PCDHGA2: variants seen among roughly 807,000 people sequenced by gnomAD.
PCDHGA2 encodes the protein protocadherin gamma subfamily A, 2.
A neutral mutation model predicts 59.2 loss-of-function variants in PCDHGA2; 40 were observed. The ratio of observed to expected loss-of-function variants is 0.68; its 90% CI spans 0.52 to 0.88. The LOEUF is 0.88. Among genes scored for constraint, PCDHGA2 ranks in the 40% least tolerant of loss-of-function variants. The probability of loss-of-function intolerance (pLI) is 0.00; values close to 1 mark genes in which losing one functional copy is unlikely to be tolerated. For missense variants in PCDHGA2, 1,226 were observed against 1,204.0 expected, an observed-to-expected ratio of 1.02 and a Z score of -0.27; for synonymous variants, 560 against 526.0, an observed-to-expected ratio of 1.06 and a Z score of -0.89.
chr5:141,464,184 G>T (rs1348739162), intron 1 of PCDHGA2, among the ~76,000 whole-genome samples: 1 of 150,316 alleles, frequency 6.7e-6, no homozygotes, highest in Non-Finnish European at 1.5e-5. Flanking sequence ...AGAATTGCTT[G>T]ATTTCAGGAG....
rs138881803 is a variant in PCDHGA2 at position 141,361,343 on chromosome 5, A to G, written c.2424+19948A>G. On this transcript the variant is annotated intron_variant, in intron 1 of 3. Transcript: ENST00000394576. ...AAATCTTCCTCAAAGAACTATTACA[A>G]ACTAGTGACAGACGGCGCTCTGGAC... is the stretch of plus-strand genomic sequence containing the variant. 47 of 1,613,938 alleles carry G rather than the reference A, an allele frequency of 2.9e-5. No homozygotes were observed. In the African/African-American group the frequency reaches 6.0e-4, roughly 21 times the overall value.
intron 1 of PCDHGA2, chr5:141,417,639 C>G: frequency 1.3e-6 from 1 of 745,670 alleles, no homozygotes; most frequent in Non-Finnish European, 2.1e-6. Flanking sequence ...CGCCGGGGAT[C>G]CCTCAGCCTC....
chr5:141,350,958 A>C (rs777439869), intron 1 of PCDHGA2: 1 of 1,614,096 alleles, frequency 6.2e-7, no homozygotes, highest in Non-Finnish European at 8.5e-7. Context: ...ACGGATGCCA[A>C]TGATAATGCT....
intron 1 of PCDHGA2, chr5:141,379,054 G>A (rs969073480): frequency 6.6e-5 from 10 of 152,204 alleles, no homozygotes; most frequent in Admixed American, 5.2e-4. Context: ...TTATAGAATG[G>A]ATTGGCCACT....
chr5:141,351,140 A>G (rs1758654842), intron 1 of PCDHGA2: 1 of 1,613,922 alleles, frequency 6.2e-7, no homozygotes, highest in Non-Finnish European at 8.5e-7. Flanking sequence ...CAATCCAAAT[A>G]CTGGCGACAT....
At chr5:141,509,117 G>A (rs1271574654) in intron 3 of PCDHGA2, among the ~76,000 whole-genome samples, 1 of 152,150 alleles carries the variant, frequency 6.6e-6, no homozygotes, top group Admixed American at 6.5e-5. Flanking sequence ...GCGCTGGTGC[G>A]TGAAGAGAAA....
At chr5:141,461,830 CTT>C (rs1030113508) in intron 1 of PCDHGA2, among the ~76,000 whole-genome samples, 1 of 145,180 alleles carries the variant, frequency 6.9e-6, no homozygotes, top group Non-Finnish European at 1.5e-5. Context: ...ATTTTTTTTT[CTT>C]TTTTTTTTGA....
chr5:141,350,542 A>G (rs780885153), intron 1 of PCDHGA2: 1 of 1,614,032 alleles, frequency 6.2e-7, no homozygotes, highest in Non-Finnish European at 8.5e-7. Context: ...AGATTTGCGG[A>G]AGGAAACTTG....
rs779981011 is a variant in PCDHGA2 at position 141,395,287 on chromosome 5, G to T, written c.2424+53892G>T. 11 of 1,533,118 alleles carry T rather than the reference G, an allele frequency of 7.2e-6. No homozygotes were observed. The South Asian group carries it at 1.3e-4, about 18-fold the overall frequency. 95.0% of individuals were successfully genotyped at this position (1,533,118 alleles called of 1,614,324 possible). A position where few individuals can be genotyped will look rare whatever the true frequency, so the allele number is the denominator to read the frequency against. On this transcript the variant is annotated intron_variant, in intron 1 of 3. Transcript: ENST00000394576. ...TTAATTTCCAGATGAATTTTATTTG[G>T]CATAAATTATGTTTTGAAAAACATT...
chr5:141,346,143 TTCCTGGCCTTCGTCA>T (rs1757701320), intron 1 of PCDHGA2: 1 of 1,613,880 alleles, frequency 6.2e-7, no homozygotes, highest in South Asian at 1.1e-5. Flanking sequence ...CTCCTGCGTC[TTCCTGGCCTTCGTCA>T]TCGTGCTGCT....
intron 1 of PCDHGA2, chr5:141,427,649 C>T (rs1283312654): frequency 1.4e-6 from 1 of 717,274 alleles, no homozygotes; most frequent in East Asian, 2.7e-5. Context: ...AAGTCTCCTA[C>T]GTGGTCCACG....
At chr5:141,404,769 A>C (rs528627644) in intron 1 of PCDHGA2, 1 of 1,611,124 alleles carries the variant, frequency 6.2e-7, no homozygotes, top group South Asian at 1.1e-5. Context: ...TGGCTCTCCT[A>C]CCGCCTATTC....
chr5:141,370,893 C>T (rs116495533), intron 1 of PCDHGA2: 4 of 1,613,944 alleles, frequency 2.5e-6, no homozygotes, highest in Admixed American at 3.3e-5. Flanking sequence ...TGTCAATTCG[C>T]TGCAGCAGTA....
At chr5:141,495,073 C>T (rs1464039604) in intron 2 of PCDHGA2, among the ~76,000 whole-genome samples, 1 of 152,186 alleles carries the variant, frequency 6.6e-6, no homozygotes, top group Non-Finnish European at 1.5e-5. Flanking sequence ...GCTCAATTCA[C>T]ATGCTTGCCC....
intron 1 of PCDHGA2, chr5:141,370,669 G>C (rs370792537): frequency 6.2e-7 from 1 of 1,613,908 alleles, no homozygotes; most frequent in Admixed American, 1.7e-5. Context: ...CGTATAGACC[G>C]AGAGGAGATT....
In PCDHGA2 at chr5:141,432,921, A is replaced by G; in HGVS notation, c.2425-61886A>G. On this transcript the variant is annotated intron_variant, in intron 1 of 3. Transcript: ENST00000394576. The surrounding 1 kb of genome is among the most constrained non-coding windows in gnomAD (Gnocchi z 6.0). ...GCGCTCAGGCTGCGGCGCTGGCACAAGTCACGCCTGCTGCAGGCTTCAGGA... is the reference window on the plus strand; with the variant it reads ...GCGCTCAGGCTGCGGCGCTGGCACAGGTCACGCCTGCTGCAGGCTTCAGGA... 6.2e-7 allele frequency: 1 copy of G among 1,614,114 alleles called. No individual in the cohort carries two copies. The highest frequency in any genetic ancestry group is 1.7e-4 in the Middle Eastern group (1 of 6,060).
intron 1 of PCDHGA2, chr5:141,398,820 G>T (rs1376527266): frequency 1.2e-6 from 2 of 1,613,854 alleles, no homozygotes; most frequent in African/African-American, 2.7e-5. Flanking sequence ...TCCGGATCCA[G>T]GTAACCGACG....
At chr5:141,508,371 C>T (rs1250979168) in intron 3 of PCDHGA2, 1 of 152,226 alleles carries the variant, frequency 6.6e-6, no homozygotes, top group East Asian at 1.9e-4. Flanking sequence ...CAACTTCTTC[C>T]CCTCAGATTT....
At chr5:141,434,843 G>C (rs1302739038) in intron 1 of PCDHGA2, among the ~76,000 whole-genome samples, 2 of 151,746 alleles carry the variant, frequency 1.3e-5, no homozygotes, top group African/African-American at 4.8e-5. Flanking sequence ...TTATAAAGCA[G>C]ACATCAATAA....
Sources: allele counts gnomAD v4.1 joint callset (sites outside exome capture counted in the v4.1 genomes callset), GRCh38; gene constraint gnomAD v4.1.1; non-coding constraint Gnocchi (gnomAD v3.1); transcripts MANE v1.5; gene names NCBI Gene and HGNC (gene_info 2026-07-23, HGNC 2026-07-21).